The following CDH13 variants were observed in gnomAD, a reference collection of about 807,000 sequenced individuals.
The protein encoded by CDH13 is cadherin 13, also known as cadherin-13.
CDH13 carries 24 observed loss-of-function variants against 63.8 expected under a neutral mutation model. The ratio of observed to expected loss-of-function variants is 0.38; its 90% CI spans 0.27 to 0.53. The LOEUF (loss-of-function observed/expected upper bound fraction) is 0.53. Among genes scored for constraint, CDH13 ranks in the 20% least tolerant of loss-of-function variants. CDH13 has a pLI of 0.85. For missense variants in CDH13, 1,049 were observed against 903.1 expected (o/e 1.16, Z -2.07); for synonymous variants, 503 against 355.3 (o/e 1.42, Z -4.67).
chr16:83,047,263 T>C lies in CDH13; in HGVS notation c.366+15045T>C, dbSNP rs1235939892. Among the ~76,000 whole-genome samples, 1 of 152,206 alleles carries C rather than the reference T, an allele frequency of 6.6e-6. No homozygotes were observed. Among genetic ancestry groups the C allele is most frequent in the Non-Finnish European group, 1.5e-5 (1 of 68,038 alleles). On this transcript the variant is annotated intron_variant, in intron 3 of 13. Transcript: ENST00000567109. The surrounding 1 kb of genome is among the most constrained non-coding windows in gnomAD (Gnocchi z 4.9). Reference sequence around the variant, plus strand: ...TTTATTTATTTATTTATTTTTTTGGTAAAGGCCTCTGCTGTGAATTTAAGT... The same window carrying C: ...TTTATTTATTTATTTATTTTTTTGGCAAAGGCCTCTGCTGTGAATTTAAGT...
intron 6 of CDH13, among the ~76,000 whole-genome samples, chr16:83,409,814 T>C (rs1406389487): frequency 6.6e-6 from 1 of 152,260 alleles, no homozygotes; most frequent in Non-Finnish European, 1.5e-5. Context: ...ATTTGATTCT[T>C]GGGATATCAG....
chr16:82,883,789 T>G (rs2040786448), intron 2 of CDH13, among the ~76,000 whole-genome samples: 1 of 152,232 alleles, frequency 6.6e-6, no homozygotes, highest in Non-Finnish European at 1.5e-5. Context: ...TTCCCCATCT[T>G]GGTCCTCACT....
chr16:83,004,156 C>T (rs1913230448), intron 2 of CDH13, among the ~76,000 whole-genome samples: 1 of 152,134 alleles, frequency 6.6e-6, no homozygotes, highest in South Asian at 2.1e-4. Flanking sequence ...AACCTACAGC[C>T]CCAGGCCAGC....
intron 1 of CDH13, among the ~76,000 whole-genome samples, chr16:82,761,181 A>G (rs1597495835): frequency 6.6e-6 from 1 of 151,144 alleles, no homozygotes; most frequent in Middle Eastern, 3.4e-3. Flanking sequence ...GTGCTACCAC[A>G]CCTGGCCAAT....
intron 3 of CDH13, among the ~76,000 whole-genome samples, chr16:83,109,997 A>G (rs1046476955): frequency 2.0e-5 from 3 of 152,224 alleles, no homozygotes; most frequent in Non-Finnish European, 2.9e-5. Flanking sequence ...ATTTTCATCC[A>G]AAGCGTATGT....
intron 7 of CDH13, among the ~76,000 whole-genome samples, chr16:83,585,172 G>T (rs996015806): frequency 6.6e-6 from 1 of 152,172 alleles, no homozygotes; most frequent in African/African-American, 2.4e-5. Context: ...AGCTGGCGTG[G>T]GTGGCCTTCC....
At chr16:82,768,937 TG>T (rs1283101926) in intron 1 of CDH13, among the ~76,000 whole-genome samples, 2 of 152,208 alleles carry the variant, frequency 1.3e-5, no homozygotes, top group African/African-American at 4.8e-5. Context: ...TGCTTTCTCT[TG>T]AGGGCTGGGC....
At chr16:82,827,420 G>A (rs1056535193) in intron 1 of CDH13, among the ~76,000 whole-genome samples, 4 of 152,160 alleles carry the variant, frequency 2.6e-5, no homozygotes, top group African/African-American at 4.8e-5. Context: ...GGAGCCAGAG[G>A]TTCTGAACAA....
intron 3 of CDH13, among the ~76,000 whole-genome samples, chr16:83,062,337 T>C (rs1260050462): frequency 6.6e-6 from 1 of 152,198 alleles, no homozygotes; most frequent in Non-Finnish European, 1.5e-5. Flanking sequence ...GCGTTGTTTC[T>C]TTTTTTGTTT....
intron 3 of CDH13, among the ~76,000 whole-genome samples, chr16:83,101,392 T>C (rs901223447): frequency 6.6e-6 from 1 of 150,504 alleles, no homozygotes; most frequent in Non-Finnish European, 1.5e-5. Context: ...ATGTCTATTA[T>C]ATATAGTAAT....
At chr16:83,396,163 A>G (rs1016640527) in intron 6 of CDH13, among the ~76,000 whole-genome samples, 1 of 152,152 alleles carries the variant, frequency 6.6e-6, no homozygotes, top group East Asian at 1.9e-4. Context: ...CGTGGTGTAT[A>G]CATACCAGAA....
intron 1 of CDH13, among the ~76,000 whole-genome samples, chr16:82,776,150 C>T (rs1199331413): frequency 6.7e-6 from 1 of 150,190 alleles, no homozygotes; most frequent in Non-Finnish European, 1.5e-5. Flanking sequence ...GCAGAGGTTG[C>T]AGTGAGCCGT....
chr16:83,361,548 T>C (rs1181009696), intron 6 of CDH13, among the ~76,000 whole-genome samples: 1 of 152,230 alleles, frequency 6.6e-6, no homozygotes. Context: ...TCTTCCAGGA[T>C]TCTTACAGTT....
intron 3 of CDH13, among the ~76,000 whole-genome samples, chr16:83,038,816 A>T (rs939220662): frequency 6.6e-6 from 1 of 152,204 alleles, no homozygotes; most frequent in African/African-American, 2.4e-5. Flanking sequence ...ACACTCACAA[A>T]GTAAAAACAC....
intron 1 of CDH13, among the ~76,000 whole-genome samples, chr16:82,724,665 A>G (rs1194329248): frequency 2.6e-5 from 4 of 152,238 alleles, no homozygotes; most frequent in African/African-American, 9.6e-5. Flanking sequence ...GATAGTCAAA[A>G]GAGACTGTCA....
At chr16:83,218,773 A>G (rs1178952356) in intron 5 of CDH13, among the ~76,000 whole-genome samples, 1 of 152,142 alleles carries the variant, frequency 6.6e-6, no homozygotes, top group African/African-American at 2.4e-5. Context: ...CTTGAATTGT[A>G]GCTCTGAGAA....
intron 6 of CDH13, among the ~76,000 whole-genome samples, chr16:83,452,775 G>T (rs1476237330): frequency 6.6e-6 from 1 of 152,202 alleles, no homozygotes; most frequent in Non-Finnish European, 1.5e-5. Context: ...GTATGTGTTT[G>T]TGATGTCTAG....
chr16:83,609,518 T>G (rs1052114574), intron 8 of CDH13, among the ~76,000 whole-genome samples: 1 of 152,250 alleles, frequency 6.6e-6, no homozygotes, highest in African/African-American at 2.4e-5. Flanking sequence ...TTTTCCAATG[T>G]GTTTATTATG....
intron 6 of CDH13, among the ~76,000 whole-genome samples, chr16:83,460,532 G>A (rs2073148822): frequency 6.6e-6 from 1 of 152,288 alleles, no homozygotes; most frequent in East Asian, 1.9e-4. Flanking sequence ...ATGAACTGCA[G>A]CAAGGATGGT....
Sources: allele counts gnomAD v4.1 joint callset (sites outside exome capture counted in the v4.1 genomes callset), GRCh38; gene constraint gnomAD v4.1.1; non-coding constraint Gnocchi (gnomAD v3.1); transcripts MANE v1.5; gene names NCBI Gene and HGNC (gene_info 2026-07-23, HGNC 2026-07-21).